Variants in HCRTR2 observed in about 807,000 individuals in gnomAD.
HCRTR2 encodes hypocretin receptor 2, also known as orexin receptor type 2.
In HCRTR2, 22 loss-of-function variants were observed where a neutral mutation model predicts 49.0. The ratio of observed to expected loss-of-function variants is 0.45; its 90% CI spans 0.32 to 0.64. The LOEUF (loss-of-function observed/expected upper bound fraction) is 0.64. Ranked by LOEUF, HCRTR2 falls within the 30% of genes least tolerant of loss-of-function variation. The pLI, the probability that HCRTR2 is intolerant of heterozygous loss-of-function variation, is 0.04. For synonymous variants in HCRTR2, 236 were observed against 205.3 expected (o/e 1.15, Z -1.28); for missense variants, 491 against 559.4 (o/e 0.88, Z 1.23).
At chr6:55,191,964 GATTTGAAATAT>G (rs2127278846) in intron 1 of HCRTR2, among the ~76,000 whole-genome samples, 1 of 152,158 alleles carries the variant, frequency 6.6e-6, no homozygotes, top group Admixed American at 6.5e-5. Flanking sequence ...AGATTTCTAA[GATTTGAAATAT>G]ATTTGCTATA....
intron 1 of HCRTR2, among the ~76,000 whole-genome samples, chr6:55,165,930 A>T (rs1349136540): frequency 6.6e-6 from 1 of 151,834 alleles, no homozygotes; most frequent in Non-Finnish European, 1.5e-5. Flanking sequence ...CAGGAGGCAA[A>T]TACAGATTAA....
intron 1 of HCRTR2, among the ~76,000 whole-genome samples, chr6:55,180,408 G>A (rs1275594869): frequency 6.6e-6 from 1 of 152,230 alleles, no homozygotes. Context: ...ACAATTTACA[G>A]AGTTGTTTGG....
chr6:55,163,600 C>T (rs893493153), intron 1 of HCRTR2, among the ~76,000 whole-genome samples: 4 of 152,126 alleles, frequency 2.6e-5, no homozygotes, highest in African/African-American at 9.7e-5. Flanking sequence ...GGGACTCCTC[C>T]CTTACACCTT....
intron 1 of HCRTR2, among the ~76,000 whole-genome samples, chr6:55,232,303 C>G (rs981779516): frequency 5.9e-5 from 9 of 152,174 alleles, no homozygotes; most frequent in African/African-American, 2.2e-4. Flanking sequence ...CACACAATTC[C>G]TAATTTATTG....
intron 1 of HCRTR2, among the ~76,000 whole-genome samples, chr6:55,176,211 A>T (rs1355092414): frequency 6.6e-6 from 1 of 152,216 alleles, no homozygotes; most frequent in Non-Finnish European, 1.5e-5. Context: ...GAGTGTTGGT[A>T]GAATGTTATT....
intron 1 of HCRTR2, among the ~76,000 whole-genome samples, chr6:55,168,026 A>G (rs1764901160): frequency 6.6e-6 from 1 of 152,212 alleles, no homozygotes; most frequent in South Asian, 2.1e-4. Context: ...ATTTTTCACA[A>G]AATATTCACT....
At chr6:55,238,753 T>G (rs1766263170) in intron 1 of HCRTR2, among the ~76,000 whole-genome samples, 1 of 152,218 alleles carries the variant, frequency 6.6e-6, no homozygotes, top group South Asian at 2.1e-4. Flanking sequence ...GACATAAAGT[T>G]GTGAGAGTCA....
chr6:55,237,305 G>T (rs1766232513), intron 1 of HCRTR2, among the ~76,000 whole-genome samples: 1 of 151,924 alleles, frequency 6.6e-6, no homozygotes, highest in Admixed American at 6.6e-5. Context: ...TTTTGCTTTG[G>T]CCAGCAGCTA....
chr6:55,148,835 C>A (rs1209552129), intron 1 of HCRTR2, among the ~76,000 whole-genome samples: 5 of 151,996 alleles, frequency 3.3e-5, no homozygotes, highest in African/African-American at 4.8e-5. Context: ...ATGGGAATCA[C>A]AAAATTTTAA....
intron 3 of HCRTR2, among the ~76,000 whole-genome samples, chr6:55,260,565 C>T: frequency 6.6e-6 from 1 of 152,104 alleles, no homozygotes; most frequent in East Asian, 1.9e-4. Context: ...AAAAATGACA[C>T]CTCAAATTGG....
chr6:55,208,846 T>C (rs10948895), intron 1 of HCRTR2, among the ~76,000 whole-genome samples: 5,002 of 152,244 alleles, frequency 0.033, 134 homozygotes, highest in Non-Finnish European at 0.048. Context: ...ACCATACAAA[T>C]AAAAGAACCA....
upstream of HCRTR2, among the ~76,000 whole-genome samples, chr6:55,171,340 A>T (rs1764946738): frequency 6.6e-6 from 1 of 152,140 alleles, no homozygotes; most frequent in Non-Finnish European, 1.5e-5. Flanking sequence ...CCTTAAGGGG[A>T]TATCATGGTA....
At chr6:55,265,436 C>T (rs1766843848) in intron 4 of HCRTR2, among the ~76,000 whole-genome samples, 1 of 152,132 alleles carries the variant, frequency 6.6e-6, no homozygotes, top group African/African-American at 2.4e-5. Context: ...CATTTGTTTT[C>T]TCATTCCAGA....
chr6:55,248,094 A>G (rs895061164), intron 1 of HCRTR2, among the ~76,000 whole-genome samples: 8 of 152,092 alleles, frequency 5.3e-5, no homozygotes, highest in African/African-American at 1.9e-4. Context: ...GATTGTTGTC[A>G]GCATTAAACA....
At position 55,255,345 on chromosome 6, in the gene HCRTR2, C is replaced by T. The variant is rs1323433282; in HGVS notation, c.612C>T (p.Thr204=). 1 of 1,614,002 alleles carries T rather than the reference C, an allele frequency of 6.2e-7. No homozygotes were observed. The highest frequency in any genetic ancestry group is 8.5e-7 in the Non-Finnish European group (1 of 1,179,946). ...TGTTCCCAGGCTTAGCCAATAAAAC[C>T]ACCCTCTTTACGGTGTGTGATGAGC... ...STVFPGLANK[T]TLFTVCDERW... is the part of the protein sequence containing the mutation. The change falls in exon 3 of 7, where the codon ACC becomes ACT. Residue 204 remains threonine (T), a synonymous_variant. Transcript: ENST00000370862.
intron 1 of HCRTR2, among the ~76,000 whole-genome samples, chr6:55,238,635 G>C (rs1452224651): frequency 2.0e-5 from 3 of 152,106 alleles, no homozygotes; most frequent in Non-Finnish European, 4.4e-5. Flanking sequence ...ACATCTATAA[G>C]ATGAAAACAG....
chr6:55,113,657 G>C (rs1050425153), intron 1 of HCRTR2, among the ~76,000 whole-genome samples: 1 of 151,922 alleles, frequency 6.6e-6, no homozygotes, highest in Non-Finnish European at 1.5e-5. Context: ...AGATGTTGGT[G>C]TGGATGTGGT....
At chr6:55,131,427 A>G (rs1242921291) in intron 1 of HCRTR2, among the ~76,000 whole-genome samples, 1 of 151,800 alleles carries the variant, frequency 6.6e-6, no homozygotes, top group African/African-American at 2.4e-5. Flanking sequence ...AACTTCTTCA[A>G]AGATGTTTGT....
intron 1 of HCRTR2, among the ~76,000 whole-genome samples, chr6:55,241,371 G>A (rs1162665307): frequency 6.6e-6 from 1 of 151,918 alleles, no homozygotes; most frequent in Non-Finnish European, 1.5e-5. Context: ...AACTCATTCC[G>A]GAAGTGACGA....
Sources: allele counts gnomAD v4.1 joint callset (sites outside exome capture counted in the v4.1 genomes callset), GRCh38; gene constraint gnomAD v4.1.1; transcripts MANE v1.5; gene names NCBI Gene and HGNC (gene_info 2026-07-23, HGNC 2026-07-21).